HECW2: variants seen among roughly 807,000 people sequenced by gnomAD.
HECW2 encodes E3 ubiquitin-protein ligase HECW2.
Under a neutral mutation model 175.2 loss-of-function variants are expected in HECW2, and 61 were observed. The ratio of observed to expected loss-of-function variants is 0.35; its 90% CI spans 0.28 to 0.43. The LOEUF (loss-of-function observed/expected upper bound fraction) is 0.43. Ranked by LOEUF, HECW2 falls within the 20% of genes least tolerant of loss-of-function variation. HECW2 has a pLI of 1.00. For synonymous variants in HECW2, 671 were observed against 731.0 expected, an observed-to-expected ratio of 0.92 and a Z score of 1.32; for missense variants, 1,524 against 2,000.5, an observed-to-expected ratio of 0.76 and a Z score of 4.54.
intron 9 of HECW2, among the ~76,000 whole-genome samples, chr2:196,318,127 T>C (rs1321562799): frequency 6.6e-6 from 1 of 152,260 alleles, no homozygotes; most frequent in African/African-American, 2.4e-5. Flanking sequence ...GTTGTGTATC[T>C]ACAAACCCCG....
chr2:196,199,343 A>G lies in HECW2; in HGVS notation c.*1934T>C, dbSNP rs771834423. 1.3e-5 allele frequency: 2 copies of G among 152,666 alleles called. No individual in the cohort carries two copies. The highest frequency in any genetic ancestry group is 2.9e-5 in the Non-Finnish European group (2 of 68,036). The allele number at this position is 152,666 out of a possible 1,614,324, so 9.5% of individuals were successfully genotyped here. A position where few individuals can be genotyped will look rare whatever the true frequency, so the allele number is the denominator to read the frequency against. The stretch of plus-strand genomic sequence containing the variant: ...TTTTCTTTTTTTCTCTTCCAATTAT[A>G]GAATACAGAGAGCTCTTCCTTTCTT... On this transcript the variant is annotated 3_prime_UTR_variant, in exon 29 of 29. Coordinates refer to ENST00000644978, the MANE Select transcript of HECW2 (RefSeq NM_001348768.2).
intron 1 of HECW2, among the ~76,000 whole-genome samples, chr2:196,565,209 G>A (rs985873450): frequency 2.0e-5 from 3 of 151,992 alleles, no homozygotes; most frequent in Admixed American, 6.6e-5. Context: ...ATAGTCAGAA[G>A]CTATGCCAGA....
At chr2:196,372,754 C>T (rs1055774702) in intron 2 of HECW2, among the ~76,000 whole-genome samples, 1 of 152,056 alleles carries the variant, frequency 6.6e-6, no homozygotes, top group Non-Finnish European at 1.5e-5. Flanking sequence ...ATTTTATTTG[C>T]TTAACATTTT....
intron 17 of HECW2, among the ~76,000 whole-genome samples, chr2:196,261,033 C>T (rs889086853): frequency 1.3e-5 from 2 of 152,104 alleles, no homozygotes; most frequent in African/African-American, 4.8e-5. Context: ...GCAAAGTGAT[C>T]AGAGGTGAGC....
chr2:196,409,518 C>T (rs1160346349), intron 2 of HECW2, among the ~76,000 whole-genome samples: 1 of 152,178 alleles, frequency 6.6e-6, no homozygotes, highest in East Asian at 1.9e-4. Context: ...AGACCACAGT[C>T]TAGTGCTGTT....
chr2:196,515,269 C>CGCT (rs1688108079), intron 1 of HECW2, among the ~76,000 whole-genome samples: 1 of 152,236 alleles, frequency 6.6e-6, no homozygotes, highest in African/African-American at 2.4e-5. Context: ...ACACACTTCT[C>CGCT]GCTGCTCTGC....
rs183710230 is a variant in HECW2 at position 196,313,020 on chromosome 2, C to T, written c.2434+4254G>A. 2.1e-3 allele frequency among the ~76,000 whole-genome samples: 315 copies of T among 152,236 alleles called. 2 individuals carry two copies. Among genetic ancestry groups the T allele is most frequent in the African/African-American group, 6.9e-3 (287 of 41,524 alleles). On this transcript the variant is annotated intron_variant, in intron 10 of 28. Transcript: ENST00000644978. The stretch of plus-strand genomic sequence containing the variant: ...TTGAACCCCTCACATAAGTAATAGA[C>T]GAGTCCTAACAATATGCAACATCCT...
intron 10 of HECW2, among the ~76,000 whole-genome samples, chr2:196,308,441 G>A (rs763753322): frequency 3.3e-5 from 5 of 152,120 alleles, no homozygotes; most frequent in Non-Finnish European, 7.4e-5. Context: ...GGGTATTGAT[G>A]TTTATTTTCA....
At chr2:196,442,934 A>T (rs1696082198) in intron 1 of HECW2, among the ~76,000 whole-genome samples, 1 of 152,188 alleles carries the variant, frequency 6.6e-6, no homozygotes. Flanking sequence ...GTTGCAAGGA[A>T]CAGAAGCCCC....
intron 1 of HECW2, among the ~76,000 whole-genome samples, chr2:196,568,482 T>C (rs1045274129): frequency 1.1e-4 from 16 of 152,252 alleles, no homozygotes; most frequent in Admixed American, 5.2e-4. Context: ...TGAGCTTACT[T>C]ATGATTTTTC....
At chr2:196,484,002 T>G (rs748720522) in intron 1 of HECW2, among the ~76,000 whole-genome samples, 1 of 152,156 alleles carries the variant, frequency 6.6e-6, no homozygotes, top group African/African-American at 2.4e-5. Flanking sequence ...CAAGACAGAG[T>G]AATGGCTGAG....
intron 20 of HECW2, among the ~76,000 whole-genome samples, chr2:196,241,699 G>A (rs1688461752): frequency 6.6e-6 from 1 of 152,154 alleles, no homozygotes. Context: ...GAACAGAGCT[G>A]AGCACTATTC....
chr2:196,557,245 A>T (rs1452550553), intron 1 of HECW2, among the ~76,000 whole-genome samples: 2 of 152,104 alleles, frequency 1.3e-5, no homozygotes, highest in African/African-American at 4.8e-5. Context: ...AACATACAAA[A>T]TTAGCAGGGC....
intron 1 of HECW2, among the ~76,000 whole-genome samples, chr2:196,496,205 GTA>G (rs1238078885): frequency 3.3e-5 from 5 of 151,798 alleles, no homozygotes; most frequent in African/African-American, 7.3e-5. Context: ...CTTTACCTTT[GTA>G]TGTGTGTGTG....
At chr2:196,517,122 TGGGCTTCC>T (rs1172051695) in intron 1 of HECW2, among the ~76,000 whole-genome samples, 2 of 152,206 alleles carry the variant, frequency 1.3e-5, no homozygotes, top group Admixed American at 1.3e-4. Flanking sequence ...CAGTGACTCT[TGGGCTTCC>T]CACCGCTCAT....
intron 2 of HECW2, among the ~76,000 whole-genome samples, chr2:196,363,697 A>T (rs1282530948): frequency 6.6e-6 from 1 of 152,136 alleles, no homozygotes. Flanking sequence ...GGTGGCATGC[A>T]CCTGTAGTGC....
At chr2:196,362,241 G>T in intron 2 of HECW2, 1 of 976,136 alleles carries the variant, frequency 1.0e-6, no homozygotes, top group Non-Finnish European at 1.2e-6. Flanking sequence ...AAGGGTACAG[G>T]ATGCAATCGC....
chr2:196,427,574 T>C (rs1053340333), intron 2 of HECW2, among the ~76,000 whole-genome samples: 14 of 152,180 alleles, frequency 9.2e-5, no homozygotes, highest in African/African-American at 3.4e-4. Context: ...CTAAGTGTCT[T>C]TGTATAAGAT....
intron 1 of HECW2, among the ~76,000 whole-genome samples, chr2:196,575,850 T>G (rs1041507634): frequency 6.6e-6 from 1 of 150,804 alleles, no homozygotes; most frequent in Admixed American, 6.6e-5. Flanking sequence ...GCCAAGCTCT[T>G]TTAAACAACC....
Sources: allele counts gnomAD v4.1 joint callset (sites outside exome capture counted in the v4.1 genomes callset), GRCh38; gene constraint gnomAD v4.1.1; transcripts MANE v1.5; gene names NCBI Gene and HGNC (gene_info 2026-07-23, HGNC 2026-07-21).